Variants in FOXN3 observed in about 807,000 individuals in gnomAD.
The protein encoded by FOXN3 is forkhead box N3, also known as forkhead box protein N3.
In FOXN3, 7 loss-of-function variants were observed where a neutral mutation model predicts 38.4. That is an observed-to-expected ratio of 0.18 (90% CI 0.10 to 0.34). The LOEUF is 0.34. Ranked by LOEUF, FOXN3 falls within the 10% of genes least tolerant of loss-of-function variation. The probability of loss-of-function intolerance (pLI) is 1.00; values close to 1 mark genes in which losing one functional copy is unlikely to be tolerated. For missense variants in FOXN3, 456 were observed against 613.4 expected (o/e 0.74, Z 2.71); for synonymous variants, 230 against 242.2 (o/e 0.95, Z 0.47).
rs1436106542 is a variant in FOXN3 at position 89,417,233 on chromosome 14, T to G, written c.-377A>C. On this transcript the variant is annotated 5_prime_UTR_variant, in exon 1 of 6. The change abolishes an upstream ATG in the 5' untranslated region. Coordinates refer to ENST00000557258, the MANE Select transcript of FOXN3 (RefSeq NM_005197.4). ...ACTGCAAACAAAAAAAGGCGACACA[T>G]GACCAGGCAGGAGGAGGGGAAGCGC... is the stretch of plus-strand genomic sequence containing the variant. The G allele has an allele frequency of 7.1e-6, 1 of 141,794 alleles. No homozygotes were observed. The highest frequency in any genetic ancestry group is 1.5e-5 in the Non-Finnish European group (1 of 64,630). 8.8% of individuals were successfully genotyped at this position (141,794 alleles called of 1,614,324 possible).
chr14:89,618,055 A>C (rs1271004118), intron 1 of FOXN3, among the ~76,000 whole-genome samples: 2 of 152,216 alleles, frequency 1.3e-5, no homozygotes, highest in Non-Finnish European at 1.5e-5. Flanking sequence ...TTAGCTAAGG[A>C]AAACGATTCC....
At chr14:89,414,391 TC>T (rs1244509404) in intron 1 of FOXN3, among the ~76,000 whole-genome samples, 1 of 152,170 alleles carries the variant, frequency 6.6e-6, no homozygotes, top group African/African-American at 2.4e-5. Context: ...AACTGCCACT[TC>T]AGCTGTGGAA....
At chr14:89,302,195 T>C (rs1200209698) in intron 3 of FOXN3, among the ~76,000 whole-genome samples, 1 of 152,166 alleles carries the variant, frequency 6.6e-6, no homozygotes, top group African/African-American at 2.4e-5. Context: ...TATAGAAACA[T>C]CTATTCCTCT....
chr14:89,426,954 G>A (rs779934357), intron 1 of FOXN3, among the ~76,000 whole-genome samples: 23 of 151,938 alleles, frequency 1.5e-4, no homozygotes, highest in Non-Finnish European at 2.8e-4. Flanking sequence ...GAGGAGGGCC[G>A]GGCGCGGTGG....
At chr14:89,180,933 CACACACACACACGTGCACAT>C (rs1887653566) in intron 4 of FOXN3, 127 bp from the exon 5 acceptor site, 1 of 329,438 alleles carries the variant, frequency 3.0e-6, no homozygotes, top group Admixed American at 6.3e-5. Context: ...CAGAGAGAAA[CACACACACACACGTGCACAT>C]ACACACACAC....
chr14:89,288,670 TTCTCTCTCTCTCTCTCTCTC>T (rs1202531466), intron 3 of FOXN3, among the ~76,000 whole-genome samples: 8 of 54,148 alleles, frequency 1.5e-4, no homozygotes, highest in African/African-American at 4.9e-4. Context: ...GGCACTCTCT[TTCTCTCTCTCTCTCTCTCTC>T]TCTCTCTCTC....
intron 5 of FOXN3, among the ~76,000 whole-genome samples, chr14:89,178,519 A>T (rs1887584453): frequency 6.6e-6 from 1 of 152,148 alleles, no homozygotes; most frequent in South Asian, 2.1e-4. Context: ...AACCTGTCTG[A>T]TACACAAGTT....
At chr14:89,414,512 G>A (rs72703632) in intron 1 of FOXN3, among the ~76,000 whole-genome samples, 23,927 of 150,126 alleles carry the variant, frequency 0.16, 2,302 homozygotes, top group East Asian at 0.35. Context: ...CCTGCTAGAC[G>A]CAAGGCCTAA....
At chr14:89,308,566 CT>C (rs1416594765) in intron 3 of FOXN3, among the ~76,000 whole-genome samples, 1 of 152,126 alleles carries the variant, frequency 6.6e-6, no homozygotes, top group African/African-American at 2.4e-5. Context: ...CCACACTGTC[CT>C]TATAACGCCT....
intron 1 of FOXN3, among the ~76,000 whole-genome samples, chr14:89,430,720 G>C (rs1186177097): frequency 1.3e-5 from 2 of 152,100 alleles, no homozygotes; most frequent in Non-Finnish European, 2.9e-5. Flanking sequence ...TTAGCTCTTA[G>C]ATCTCTGAAC....
intron 4 of FOXN3, among the ~76,000 whole-genome samples, chr14:89,240,097 C>T (rs1444207370): frequency 5.9e-5 from 9 of 152,174 alleles, no homozygotes; most frequent in Admixed American, 5.9e-4. Context: ...TTGCTGAAAA[C>T]TTGCCATGGC....
Position 89,511,224 on chromosome 14 carries a change from T to C in FOXN3, c.-14-98734A>G, listed in dbSNP as rs61011013. 2.6e-3 allele frequency among the ~76,000 whole-genome samples: 87 copies of C among 33,814 alleles called. 12 individuals carry two copies. Among genetic ancestry groups the C allele is most frequent in the African/African-American group, 4.3e-3 (79 of 18,252 alleles). 22.2% of individuals were successfully genotyped at this position (33,814 alleles called of 152,430 possible). On this transcript the variant is annotated intron_variant, in intron 1 of 6. Transcript: ENST00000345097. Reference sequence around the variant, plus strand: ...TTTCTTTTCTTTCTTTCTTTCTTTCTTTCTTTTCTTTCCTTTTCTTTCTTT... The same window carrying C: ...TTTCTTTTCTTTCTTTCTTTCTTTCCTTCTTTTCTTTCCTTTTCTTTCTTT...
chr14:89,386,196 G>A (rs973659466), intron 2 of FOXN3, among the ~76,000 whole-genome samples: 1 of 152,220 alleles, frequency 6.6e-6, no homozygotes, highest in African/African-American at 2.4e-5. Flanking sequence ...CTAAGTGTTT[G>A]GGGAAAATTA....
At chr14:89,414,559 T>G (rs1012296607) in intron 1 of FOXN3, among the ~76,000 whole-genome samples, 22 of 148,928 alleles carry the variant, frequency 1.5e-4, no homozygotes, top group Admixed American at 7.3e-4. Flanking sequence ...CGGTTTTTTT[T>G]TTTTTTTTTT....
Position 89,301,861 on chromosome 14 carries a change from C to A in FOXN3, c.681-20847G>T, listed in dbSNP as rs188794950. The stretch of plus-strand genomic sequence containing the variant: ...ATCAGCGCCTTAACCATGTCTTTGT[C>A]CTGATACTTCCAACTGAGCAGAAAG... On this transcript the variant is annotated intron_variant, in intron 3 of 5. Transcript: ENST00000557258. 5.5e-4 allele frequency among the ~76,000 whole-genome samples: 84 copies of A among 152,256 alleles called. 1 individual carries two copies. Among genetic ancestry groups the A allele is most frequent in the African/African-American group, 1.9e-3 (80 of 41,542 alleles).
At chr14:89,199,895 C>T (rs1477564644) in intron 4 of FOXN3, among the ~76,000 whole-genome samples, 5 of 151,964 alleles carry the variant, frequency 3.3e-5, no homozygotes, top group Non-Finnish European at 1.5e-5. Flanking sequence ...CACAGCGAGA[C>T]TCCATCTCAG....
In FOXN3 at chr14:89,548,683, ATATG is replaced by A. The variant is rs560426742; in HGVS notation, c.-15+70341_-15+70344del. Among the ~76,000 whole-genome samples, 2 of 152,198 alleles carry A rather than the reference ATATG, an allele frequency of 1.3e-5. No individual in the cohort carries two copies. The highest frequency in any genetic ancestry group is 3.9e-4 in the East Asian group (2 of 5,182). ...GATGACTTTTCTTTTCAATTTATAT[ATATG>A]TATGTATGTATGTATATATGCCTAT... On this transcript the variant is annotated intron_variant, in intron 1 of 6. Coordinates refer to the FOXN3 transcript ENST00000345097. This position sits in a 1 kb window ranked among gnomAD's most constrained non-coding sequence, Gnocchi z 4.8.
intron 1 of FOXN3, among the ~76,000 whole-genome samples, chr14:89,555,983 CTT>C (rs1200002903): frequency 1.3e-5 from 2 of 151,824 alleles, no homozygotes; most frequent in East Asian, 3.9e-4. Flanking sequence ...AAAATATTCT[CTT>C]TTTCTCTAAT....
chr14:89,402,059 G>C (rs543033272), intron 2 of FOXN3, among the ~76,000 whole-genome samples: 2 of 152,214 alleles, frequency 1.3e-5, no homozygotes, highest in East Asian at 3.9e-4. Context: ...ATCTTACATA[G>C]CAATCCATCA....
Sources: allele counts gnomAD v4.1 joint callset (sites outside exome capture counted in the v4.1 genomes callset), GRCh38; gene constraint gnomAD v4.1.1; non-coding constraint Gnocchi (gnomAD v3.1); transcripts MANE v1.5; gene names NCBI Gene and HGNC (gene_info 2026-07-23, HGNC 2026-07-21).